PRKAR1B: variants seen among roughly 807,000 people sequenced by gnomAD.
The protein encoded by PRKAR1B is protein kinase cAMP-dependent type I regulatory subunit beta.
A neutral mutation model predicts 46.5 loss-of-function variants in PRKAR1B; 22 were observed. The observed-to-expected ratio is 0.47, with a 90% confidence interval of 0.34 to 0.68. The LOEUF is 0.68. Among genes scored for constraint, PRKAR1B ranks in the 30% least tolerant of loss-of-function variants. The pLI is 0.01. For synonymous variants in PRKAR1B, 259 were observed against 217.7 expected, an observed-to-expected ratio of 1.19 and a Z score of -1.67; for missense variants, 445 against 535.6, an observed-to-expected ratio of 0.83 and a Z score of 1.67.
chr7:675,024 C>G (rs1422697388), intron 4 of PRKAR1B, among the ~76,000 whole-genome samples: 1 of 152,180 alleles, frequency 6.6e-6, no homozygotes, highest in East Asian at 1.9e-4. Flanking sequence ...CAACACCCAT[C>G]GGGATCTTCA....
chr7:558,033 C>G (rs1778556161), intron 9 of PRKAR1B, among the ~76,000 whole-genome samples: 1 of 152,080 alleles, frequency 6.6e-6, no homozygotes, highest in Admixed American at 6.5e-5. Flanking sequence ...GCAAAATCAG[C>G]TCAGACGTAG....
chr7:560,536 C>A lies in PRKAR1B; in HGVS notation c.892-9066G>T, dbSNP rs989738291. ...AACCCAGGCTTCCCCCTGACCTGGC[C>A]AGGAACAAATGGGACTGAGGAGGCT... On this transcript the variant is annotated intron_variant, in intron 9 of 10. Transcript: ENST00000537384. This position sits in a 1 kb window ranked among gnomAD's most constrained non-coding sequence, Gnocchi z 4.2. Among the ~76,000 whole-genome samples, 3 of 152,160 alleles carry A rather than the reference C, an allele frequency of 2.0e-5. No homozygotes were observed. Among genetic ancestry groups the A allele is most frequent in the Non-Finnish European group, 4.4e-5 (3 of 68,034 alleles).
chr7:689,400 C>A (rs530501533), intron 2 of PRKAR1B, among the ~76,000 whole-genome samples: 1 of 152,050 alleles, frequency 6.6e-6, no homozygotes, highest in Admixed American at 6.6e-5. Context: ...GGATTACAGG[C>A]GTGAGCCACT....
intron 6 of PRKAR1B, among the ~76,000 whole-genome samples, chr7:597,223 A>C (rs1781315969): frequency 6.6e-6 from 1 of 152,266 alleles, no homozygotes. Flanking sequence ...GATTGCAATG[A>C]ATCATGGAAT....
At chr7:601,242 C>T (rs535889797) in intron 6 of PRKAR1B, among the ~76,000 whole-genome samples, 2 of 152,326 alleles carry the variant, frequency 1.3e-5, no homozygotes, top group South Asian at 2.1e-4. Context: ...GAAACCCACT[C>T]GGACCCTGGG....
chr7:550,538 C>T lies in PRKAR1B; in HGVS notation c.1038G>A (p.Lys346=), dbSNP rs776189665. 2 of 1,605,682 alleles carry T rather than the reference C, an allele frequency of 1.2e-6. No homozygotes were observed. Among genetic ancestry groups the T allele is most frequent in the East Asian group, 4.5e-5 (2 of 44,652 alleles). The change falls in exon 11 of 11, where the codon AAG becomes AAA. Residue 346 remains lysine, a synonymous_variant. Coordinates refer to ENST00000537384, the MANE Select transcript of PRKAR1B (RefSeq NM_001164760.2). The part of the protein sequence containing the change: ...AATVVARGPL[K]CVKLDRPRFE... ...AGCGGGGCCGGTCCAGCTTCACACA[C>T]TTGAGGGGCCCCCGGGCCACGACAG...
chr7:598,423 C>T (rs1454301211), intron 6 of PRKAR1B, among the ~76,000 whole-genome samples: 2 of 99,774 alleles, frequency 2.0e-5, no homozygotes, highest in African/African-American at 6.9e-5. Flanking sequence ...CCACACTAAA[C>T]ACCATCACCC....
intron 9 of PRKAR1B, among the ~76,000 whole-genome samples, chr7:571,379 G>A (rs1029224685): frequency 6.6e-5 from 10 of 152,164 alleles, no homozygotes; most frequent in East Asian, 1.9e-4. Flanking sequence ...ATCCAGCAGC[G>A]ACCCGTGGAT....
chr7:578,112 G>A (rs936984126), intron 9 of PRKAR1B, among the ~76,000 whole-genome samples: 12 of 152,194 alleles, frequency 7.9e-5, no homozygotes, highest in Admixed American at 1.3e-4. Flanking sequence ...ACGGAGAGTG[G>A]CTTGCACCCT....
At chr7:726,564 A>C in intron 1 of PRKAR1B, 1 of 493,734 alleles carries the variant, frequency 2.0e-6, no homozygotes, top group Non-Finnish European at 3.1e-6. Flanking sequence ...AGAGGGGGAC[A>C]GCGGGCGAGC....
At position 680,575 on chromosome 7, in the gene PRKAR1B, G is replaced by C. The variant is rs1044891046; in HGVS notation, c.329C>G (p.Ala110Gly). Residue 110 changes from alanine (A) to glycine (G), a missense_variant, in exon 3 of 11, where the codon GCC becomes GGC. Physicochemically the swap from Ala to Gly is moderately conservative, Grantham distance 60. This residue lies in a region of PRKAR1B where 94 missense variants were observed against 126.9 expected (regional missense o/e 0.74). Coordinates refer to ENST00000537384, the MANE Select transcript of PRKAR1B (RefSeq NM_001164760.2). ...VSAEVYTEED[A>G]VSYVRKVIPK... The stretch of plus-strand genomic sequence containing the variant: ...CCTCACCTTCCTGACGTAGGACACG[G>C]CGTCCTCCTCGGTGTACACCTCGGC... 42 of 1,610,964 alleles carry C rather than the reference G, an allele frequency of 2.6e-5. No individual in the cohort carries two copies. Among genetic ancestry groups the C allele is most frequent in the Non-Finnish European group, 3.4e-5 (40 of 1,179,434 alleles).
At chr7:656,260 G>A (rs1785179883) in intron 4 of PRKAR1B, among the ~76,000 whole-genome samples, 1 of 151,306 alleles carries the variant, frequency 6.6e-6, no homozygotes, top group African/African-American at 2.4e-5. Context: ...ATTAGTGGAT[G>A]GGTGGGTGAA....
chr7:617,452 G>A (rs993310071), intron 4 of PRKAR1B, among the ~76,000 whole-genome samples: 7 of 152,084 alleles, frequency 4.6e-5, no homozygotes, highest in Admixed American at 3.9e-4. Context: ...CCACCAGCCC[G>A]AACCACCACC....
At chr7:609,398 C>A (rs1290889362) in intron 4 of PRKAR1B, among the ~76,000 whole-genome samples, 3 of 152,150 alleles carry the variant, frequency 2.0e-5, no homozygotes. Flanking sequence ...GTGTACCCCC[C>A]ACCACCCAGC....
chr7:611,163 A>T (rs1782458664), intron 4 of PRKAR1B, among the ~76,000 whole-genome samples: 2 of 152,264 alleles, frequency 1.3e-5, no homozygotes, highest in Non-Finnish European at 2.9e-5. Context: ...AGGTGAAGTC[A>T]GGCTGAAGCC....
chr7:577,656 A>G (rs1473350588), intron 9 of PRKAR1B, among the ~76,000 whole-genome samples: 5 of 152,210 alleles, frequency 3.3e-5, no homozygotes, highest in African/African-American at 4.8e-5. Flanking sequence ...GTTCCGGCCC[A>G]GTTCCTGCAG....
chr7:663,726 T>G (rs931627221), intron 4 of PRKAR1B, among the ~76,000 whole-genome samples: 1 of 152,108 alleles, frequency 6.6e-6, no homozygotes, highest in African/African-American at 2.4e-5. Context: ...GATCCTCACC[T>G]GGAACTTGGG....
chr7:656,494 TG>T (rs1428332004), intron 4 of PRKAR1B, among the ~76,000 whole-genome samples: 1 of 152,006 alleles, frequency 6.6e-6, no homozygotes, highest in Non-Finnish European at 1.5e-5. Context: ...GATGTATGAG[TG>T]AATGTGTGGA....
intron 4 of PRKAR1B, among the ~76,000 whole-genome samples, chr7:635,990 A>G (rs1029136806): frequency 3.0e-4 from 29 of 97,800 alleles, no homozygotes; most frequent in African/African-American, 9.3e-4. Context: ...CCGCGCCCTC[A>G]CGTCCTCCAC....
Sources: allele counts gnomAD v4.1 joint callset (sites outside exome capture counted in the v4.1 genomes callset), GRCh38; gene constraint gnomAD v4.1.1; regional missense constraint gnomAD v4.1.1; non-coding constraint Gnocchi (gnomAD v3.1); transcripts MANE v1.5; gene names NCBI Gene and HGNC (gene_info 2026-07-23, HGNC 2026-07-21).